Variants in TFIP11 observed in about 807,000 individuals in gnomAD.
The protein encoded by TFIP11 is tuftelin interacting protein 11.
In TFIP11, 86 loss-of-function variants were observed where a neutral mutation model predicts 96.8. The ratio of observed to expected loss-of-function variants is 0.89; its 90% CI spans 0.75 to 1.06. TFIP11 has a LOEUF of 1.06. TFIP11 is among the 50% of genes least tolerant of loss of function. TFIP11 has a pLI of 0.00. For missense variants in TFIP11, 881 were observed against 1,076.7 expected (o/e 0.82, Z 2.54); for synonymous variants, 405 against 395.2 (o/e 1.02, Z -0.29).
intron 10 of TFIP11, chr22:26,498,590 C>A: frequency 3.4e-6 from 1 of 294,598 alleles, no homozygotes; most frequent in Non-Finnish European, 6.4e-6. Flanking sequence ...ATGTATACTT[C>A]TCAGGAGATG....
At chr22:26,504,229 T>C (rs1425480835) in intron 6 of TFIP11, among the ~76,000 whole-genome samples, 3 of 152,252 alleles carry the variant, frequency 2.0e-5, no homozygotes, top group Non-Finnish European at 4.4e-5. Flanking sequence ...TCACATATTT[T>C]ACTTAGGAGT....
intron 14 of TFIP11, 130 bp downstream of exon 14, chr22:26,494,009 G>T: frequency 3.0e-6 from 3 of 1,000,130 alleles, no homozygotes; most frequent in South Asian, 1.7e-5. Context: ...AGAGTCTGTT[G>T]CTATGTGCAA....
chr22:26,500,127 T>G (rs1172018426), intron 8 of TFIP11, among the ~76,000 whole-genome samples: 1 of 152,230 alleles, frequency 6.6e-6, no homozygotes, highest in Non-Finnish European at 1.5e-5. Context: ...TTTTCTAAAA[T>G]GTACTACACA....
chr22:26,501,128 G>C (rs1000461734), intron 8 of TFIP11, among the ~76,000 whole-genome samples: 1 of 152,020 alleles, frequency 6.6e-6, no homozygotes, highest in African/African-American at 2.4e-5. Flanking sequence ...TGATCTGCCC[G>C]CCTAGGCCTC....
intron 10 of TFIP11, among the ~76,000 whole-genome samples, chr22:26,497,413 G>A (rs1922202653): frequency 6.6e-6 from 1 of 152,188 alleles, no homozygotes; most frequent in South Asian, 2.1e-4. Context: ...GGTAAGCCCA[G>A]CACCTAGCAC....
intron 12 of TFIP11, among the ~76,000 whole-genome samples, chr22:26,495,151 A>G (rs1404808425): frequency 6.6e-6 from 1 of 150,522 alleles, no homozygotes. Flanking sequence ...TATTAGAGAC[A>G]GCGTTTTGGC....
chr22:26,497,958 A>G (rs1039235395), intron 10 of TFIP11, among the ~76,000 whole-genome samples: 1 of 152,048 alleles, frequency 6.6e-6, no homozygotes, highest in Non-Finnish European at 1.5e-5. Flanking sequence ...AGTTGCAAAT[A>G]TGTGGAACCA....
At chr22:26,503,217 C>G (rs1009659279) in intron 7 of TFIP11, among the ~76,000 whole-genome samples, 10 of 152,082 alleles carry the variant, frequency 6.6e-5, no homozygotes, top group Non-Finnish European at 2.9e-5. Context: ...CACTTCCTTC[C>G]CCTCTGCTTT....
intron 2 of TFIP11, chr22:26,511,600 GAATTA>G (rs919668911): frequency 3.9e-5 from 6 of 152,210 alleles, no homozygotes; most frequent in African/African-American, 1.4e-4. Flanking sequence ...CAGTGTATGA[GAATTA>G]AATATGCACG....
chr22:26,491,750 C>G lies in TFIP11; in HGVS notation c.*263G>C, dbSNP rs1055939146. 1 of 1,301,396 alleles carries G rather than the reference C, an allele frequency of 7.7e-7. No homozygotes were observed. Among genetic ancestry groups the G allele is most frequent in the African/African-American group, 1.5e-5 (1 of 67,604 alleles). The allele number at this position is 1,301,396 out of a possible 1,614,324, so 80.6% of individuals were successfully genotyped here. On this transcript the variant is annotated 3_prime_UTR_variant, in exon 15 of 15. Transcript: ENST00000407690. Reference sequence around the variant, plus strand: ...TAAAGGGAAGGCTGCTATGGAGGAACTACAGAGAACTCCTTTGCCAGGAAA... The same window carrying G: ...TAAAGGGAAGGCTGCTATGGAGGAAGTACAGAGAACTCCTTTGCCAGGAAA...
Position 26,492,132 on chromosome 22 carries a change from T to G in TFIP11, c.2395A>C (p.Lys799Gln). The G allele has an allele frequency of 6.2e-7, 1 of 1,614,128 alleles. No individual in the cohort carries two copies. The highest frequency in any genetic ancestry group is 8.5e-7 in the Non-Finnish European group (1 of 1,180,012). ...MPVIGKRHEG[K>Q]QLYTFGRIVI... ...ATGCGGCCAAAGGTGTAGAGCTGCT[T>G]CCCTTCGTGTCGCTTCCCAATGACG... The change falls in exon 15 of 15, where the codon AAG (lysine) becomes CAG (glutamine). Residue 799 changes from lysine to glutamine, a missense_variant. Transcript: ENST00000407690.
At chr22:26,499,758 A>C in intron 8 of TFIP11, 127 bp from the exon 9 acceptor site, 2 of 1,015,118 alleles carry the variant, frequency 2.0e-6, no homozygotes, top group Non-Finnish European at 2.8e-6. Flanking sequence ...GAGCTGGAGA[A>C]GGGCAGTGTT....
At chr22:26,500,435 C>T (rs1265276091) in intron 8 of TFIP11, among the ~76,000 whole-genome samples, 7 of 152,226 alleles carry the variant, frequency 4.6e-5, no homozygotes, top group Non-Finnish European at 1.0e-4. Context: ...TCCCAAAATG[C>T]TGGGATTACA....
At position 26,491,627 on chromosome 22, in the gene TFIP11, T is replaced by A; in HGVS notation, c.*386A>T. ...CAGATTATCAGGACTGTGAGGACCT[T>A]GAAATCATCAGGAACAAGAGAGAAG... is the stretch of plus-strand genomic sequence containing the variant. On this transcript the variant is annotated 3_prime_UTR_variant, in exon 15 of 15. Coordinates refer to ENST00000407690, the MANE Select transcript of TFIP11 (RefSeq NM_012143.4). 6.2e-7 allele frequency: 1 copy of A among 1,613,864 alleles called. No homozygotes were observed. Among genetic ancestry groups the A allele is most frequent in the Non-Finnish European group, 8.5e-7 (1 of 1,180,038 alleles).
chr22:26,496,985 TGCAACA>T, intron 10 of TFIP11, 96 bp from the exon 11 acceptor site: 3 of 1,412,342 alleles, frequency 2.1e-6, no homozygotes, highest in Non-Finnish European at 2.9e-6. Context: ...GGAATAAAAA[TGCAACA>T]GCATGGAAAT....
At chr22:26,504,857 C>G (rs908188366) in intron 6 of TFIP11, among the ~76,000 whole-genome samples, 1 of 152,118 alleles carries the variant, frequency 6.6e-6, no homozygotes, top group Non-Finnish European at 1.5e-5. Flanking sequence ...GGATGGATCA[C>G]TTGAGGTCAG....
chr22:26,498,787 C>A, intron 10 of TFIP11, 82 bp downstream of exon 10: 7 of 1,099,504 alleles, frequency 6.4e-6, no homozygotes, highest in Non-Finnish European at 9.8e-6. Context: ...GCCAGCACTG[C>A]TGCCTTCCCC....
At chr22:26,506,268 C>T in intron 6 of TFIP11, 35 bp downstream of exon 6, 1 of 1,553,336 alleles carries the variant, frequency 6.4e-7, no homozygotes, top group Non-Finnish European at 8.7e-7. Flanking sequence ...TATGCCTGCC[C>T]TCCTCCATCA....
intron 6 of TFIP11, among the ~76,000 whole-genome samples, chr22:26,504,105 G>A (rs79544791): frequency 8.0e-4 from 122 of 152,262 alleles, no homozygotes; most frequent in African/African-American, 2.8e-3. Context: ...GAGAACTCCA[G>A]CACACTAAAT....
Sources: allele counts gnomAD v4.1 joint callset (sites outside exome capture counted in the v4.1 genomes callset), GRCh38; gene constraint gnomAD v4.1.1; transcripts MANE v1.5; gene names NCBI Gene and HGNC (gene_info 2026-07-23, HGNC 2026-07-21).